Variants in SP140 observed in about 807,000 individuals in gnomAD.
SP140 encodes SP140 nuclear body protein, also known as nuclear body protein SP140.
In SP140, 81 loss-of-function variants were observed where a neutral mutation model predicts 125.0. The observed-to-expected ratio is 0.65, with a 90% CI of 0.54 to 0.78. SP140 has a LOEUF of 0.78. Among genes scored for constraint, SP140 ranks in the 30% least tolerant of loss-of-function variants. The probability of loss-of-function intolerance (pLI) is 0.00; values close to 1 mark genes in which losing one functional copy is unlikely to be tolerated. For missense variants in SP140, 858 were observed against 1,037.0 expected, an observed-to-expected ratio of 0.83 and a Z score of 2.37; for synonymous variants, 312 against 354.0, an observed-to-expected ratio of 0.88 and a Z score of 1.33.
At chr2:230,298,139 C>T (rs540732916) in intron 22 of SP140, among the ~76,000 whole-genome samples, 1 of 152,316 alleles carries the variant, frequency 6.6e-6, no homozygotes, top group South Asian at 2.1e-4. Context: ...ACTATGCAAA[C>T]TTTCTGATGC....
chr2:230,310,083 C>T (rs369272189), intron 23 of SP140, 44 bp downstream of exon 23: 9 of 1,581,646 alleles, frequency 5.7e-6, no homozygotes, highest in African/African-American at 1.3e-5. Flanking sequence ...TTTAAGGGAT[C>T]TTCCACCTGC....
chr2:230,242,947 G>A (rs976688385), intron 4 of SP140, among the ~76,000 whole-genome samples: 2 of 152,044 alleles, frequency 1.3e-5, no homozygotes, highest in African/African-American at 4.8e-5. Flanking sequence ...TCAACTAGAT[G>A]GGATATTTTA....
upstream of SP140, chr2:230,200,933 C>G: frequency 6.2e-7 from 1 of 1,613,924 alleles, no homozygotes; most frequent in Non-Finnish European, 8.5e-7. Flanking sequence ...GACCTCTTTC[C>G]TTCATTCATT....
At chr2:230,204,253 T>G (rs969586034) in intron 1 of SP140, among the ~76,000 whole-genome samples, 4 of 152,190 alleles carry the variant, frequency 2.6e-5, no homozygotes, top group Non-Finnish European at 5.9e-5. Flanking sequence ...AGGTTTCCCC[T>G]CTCTAACAAA....
At chr2:230,192,380 A>G in the SP140 span, among the ~76,000 whole-genome samples, 1 of 152,334 alleles carries the variant, frequency 6.6e-6, no homozygotes, top group Non-Finnish European at 1.5e-5. Context: ...ATATACTTAG[A>G]AAACCCCATC....
At chr2:230,261,903 T>C (rs2052324675) in intron 12 of SP140, among the ~76,000 whole-genome samples, 1 of 152,172 alleles carries the variant, frequency 6.6e-6, no homozygotes, top group Non-Finnish European at 1.5e-5. Context: ...AGGATACCAG[T>C]CTGTAGTTTT....
intron 12 of SP140, among the ~76,000 whole-genome samples, chr2:230,266,016 T>C (rs1379348673): frequency 6.6e-6 from 1 of 152,138 alleles, no homozygotes; most frequent in Non-Finnish European, 1.5e-5. Flanking sequence ...TGAAGATCTG[T>C]TCCATTTCTG....
In SP140 at chr2:230,225,789, T is replaced by C; in HGVS notation, c.-56T>C. On this transcript the variant is annotated 5_prime_UTR_variant, in exon 1 of 27. Transcript: ENST00000392045. The stretch of plus-strand genomic sequence containing the variant: ...GCAGTTGGCAGCTTCACCTCAGAGC[T>C]GCAGGAAGGAACGGGGCAGTGAAAA... The C allele has an allele frequency of 6.8e-7, 1 of 1,463,222 alleles. No individual in the cohort carries two copies. Among genetic ancestry groups the C allele is most frequent in the Non-Finnish European group, 9.6e-7 (1 of 1,042,352 alleles). 90.6% of individuals were successfully genotyped at this position (1,463,222 alleles called of 1,614,324 possible).
chr2:230,189,287 T>A, the SP140 span, among the ~76,000 whole-genome samples: 2 of 152,194 alleles, frequency 1.3e-5, no homozygotes, highest in Admixed American at 6.5e-5. Flanking sequence ...CAATTTGTGA[T>A]CTTTCAGACT....
chr2:230,263,144 G>A (rs2052548918), intron 12 of SP140, among the ~76,000 whole-genome samples: 1 of 152,178 alleles, frequency 6.6e-6, no homozygotes, highest in Non-Finnish European at 1.5e-5. Context: ...GAGCCCCAAT[G>A]TTAGGTGCAT....
At chr2:230,263,952 C>A (rs372973143) in intron 12 of SP140, among the ~76,000 whole-genome samples, 1 of 152,100 alleles carries the variant, frequency 6.6e-6, no homozygotes, top group South Asian at 2.1e-4. Context: ...TGTGCCTAGG[C>A]GAAGATCTTT....
intron 15 of SP140, among the ~76,000 whole-genome samples, chr2:230,272,156 A>T (rs2054022754): frequency 6.6e-6 from 1 of 152,208 alleles, no homozygotes; most frequent in Non-Finnish European, 1.5e-5. Flanking sequence ...CAATTTATAA[A>T]TTCAATGCTA....
intron 1 of SP140, among the ~76,000 whole-genome samples, chr2:230,232,394 G>C (rs961762611): frequency 7.2e-5 from 11 of 152,132 alleles, no homozygotes; most frequent in African/African-American, 2.7e-4. Context: ...CAGATTTTGG[G>C]GCAGTTTGCC....
At chr2:230,212,784 A>G (rs1222660711) in intron 1 of SP140, 1 of 1,614,092 alleles carries the variant, frequency 6.2e-7, no homozygotes, top group African/African-American at 1.3e-5. Flanking sequence ...TCCTTCCTGG[A>G]TGAGTGCAGG....
At chr2:230,216,757 A>C (rs1373544967) in intron 3 of SP140, 1 of 1,613,238 alleles carries the variant, frequency 6.2e-7, no homozygotes, top group East Asian at 2.2e-5. Context: ...CTGGGCTGCC[A>C]TGGAAGGGTT....
chr2:230,260,637 A>T (rs2052070032), intron 12 of SP140, among the ~76,000 whole-genome samples: 1 of 152,154 alleles, frequency 6.6e-6, no homozygotes, highest in Non-Finnish European at 1.5e-5. Context: ...AGAGATGAGG[A>T]TCCAGTTTCA....
chr2:230,253,469 T>A, intron 11 of SP140, 52 bp downstream of exon 11: 1 of 1,408,746 alleles, frequency 7.1e-7, no homozygotes, highest in Non-Finnish European at 1.0e-6. Flanking sequence ...GTTTTCCAGT[T>A]GGCATGGGAA....
intron 15 of SP140, among the ~76,000 whole-genome samples, chr2:230,279,208 T>C (rs1237782062): frequency 1.3e-5 from 2 of 152,004 alleles, no homozygotes; most frequent in Non-Finnish European, 2.9e-5. Context: ...GTTCATGAAC[T>C]GGAAGAATAG....
intron 22 of SP140, 27 bp from the exon 23 acceptor site, chr2:230,309,897 T>A (rs780393836): frequency 1.2e-6 from 2 of 1,611,584 alleles, no homozygotes; most frequent in South Asian, 2.2e-5. Flanking sequence ...CGGTTCCCAG[T>A]GACGTGGACA....
Sources: allele counts gnomAD v4.1 joint callset (sites outside exome capture counted in the v4.1 genomes callset), GRCh38; gene constraint gnomAD v4.1.1; transcripts MANE v1.5; gene names NCBI Gene and HGNC (gene_info 2026-07-23, HGNC 2026-07-21).